Variants in CADPS2 observed in about 807,000 individuals in gnomAD.
The protein encoded by CADPS2 is calcium-dependent secretion activator 2.
CADPS2 carries 93 observed loss-of-function variants against 172.5 expected under a neutral mutation model. The ratio of observed to expected loss-of-function variants is 0.54; its 90% CI spans 0.46 to 0.64. The LOEUF is 0.64. Among genes scored for constraint, CADPS2 ranks in the 30% least tolerant of loss-of-function variants. The pLI, the probability that CADPS2 is intolerant of heterozygous loss-of-function variation, is 0.00. For synonymous variants in CADPS2, 546 were observed against 555.2 expected (o/e 0.98, Z 0.23); for missense variants, 1,420 against 1,565.9 (o/e 0.91, Z 1.57).
intron 1 of CADPS2, among the ~76,000 whole-genome samples, chr7:122,740,003 T>C (rs1032807850): frequency 2.0e-5 from 3 of 152,108 alleles, no homozygotes; most frequent in Non-Finnish European, 4.4e-5. Context: ...CCTCATGTCA[T>C]CAGGGAAATG....
intron 25 of CADPS2, among the ~76,000 whole-genome samples, chr7:122,362,333 T>C (rs542331559): frequency 6.6e-6 from 1 of 152,130 alleles, no homozygotes; most frequent in Non-Finnish European, 1.5e-5. Context: ...ACTCAGAATG[T>C]ATATCCCAAT....
chr7:122,814,604 T>C (rs1180775812), intron 1 of CADPS2, among the ~76,000 whole-genome samples: 1 of 151,832 alleles, frequency 6.6e-6, no homozygotes, highest in Admixed American at 6.5e-5. Flanking sequence ...TACTCATTCA[T>C]TTGTGTACAA....
At position 122,690,432 on chromosome 7, in the gene CADPS2, C is replaced by T. The variant is rs557526521; in HGVS notation, c.454-26863G>A. ...CCTACGAACGGCTAATTGTGGAGGT[C>T]ACACATTAAATACCCAAGGAGTAAC... On this transcript the variant is annotated intron_variant, in intron 2 of 29. Coordinates refer to ENST00000449022, the MANE Select transcript of CADPS2 (RefSeq NM_017954.11). Among the ~76,000 whole-genome samples, 5 of 152,272 alleles carry T rather than the reference C, an allele frequency of 3.3e-5. No homozygotes were observed. The East Asian group carries it at 9.7e-4, about 30-fold the overall frequency.
chr7:122,860,816 A>G (rs932838776), intron 1 of CADPS2, among the ~76,000 whole-genome samples: 2 of 152,124 alleles, frequency 1.3e-5, no homozygotes, highest in Admixed American at 6.6e-5. Flanking sequence ...TTCCATATGC[A>G]TGAGATCATG....
chr7:122,878,649 A>G (rs1821991951), intron 1 of CADPS2, among the ~76,000 whole-genome samples: 1 of 139,296 alleles, frequency 7.2e-6, no homozygotes, highest in African/African-American at 2.6e-5. Context: ...CAAATAAATA[A>G]ATAAATAAAT....
At chr7:122,864,024 C>T (rs190116454) in intron 1 of CADPS2, among the ~76,000 whole-genome samples, 10 of 151,340 alleles carry the variant, frequency 6.6e-5, no homozygotes, top group South Asian at 4.2e-4. Context: ...GGCGAGATTC[C>T]GTCTCAAAAA....
chr7:122,341,797 A>C (rs1047350865), intron 28 of CADPS2, among the ~76,000 whole-genome samples: 2 of 152,156 alleles, frequency 1.3e-5, no homozygotes, highest in Non-Finnish European at 2.9e-5. Flanking sequence ...AAGCACCTAG[A>C]ACATTTCCTG....
intron 1 of CADPS2, among the ~76,000 whole-genome samples, chr7:122,832,043 T>C (rs1196085538): frequency 6.6e-6 from 1 of 152,204 alleles, no homozygotes; most frequent in Non-Finnish European, 1.5e-5. Flanking sequence ...TATATTTCAC[T>C]CTAAAACCAT....
chr7:122,667,748 A>G (rs1426429286), intron 2 of CADPS2, among the ~76,000 whole-genome samples: 2 of 152,184 alleles, frequency 1.3e-5, no homozygotes, highest in East Asian at 1.9e-4. Context: ...CAAGGGACCC[A>G]TGTTTTGAAT....
intron 2 of CADPS2, among the ~76,000 whole-genome samples, chr7:122,709,286 G>A (rs1191162043): frequency 6.6e-6 from 1 of 152,066 alleles, no homozygotes; most frequent in Non-Finnish European, 1.5e-5. Flanking sequence ...CATTTATGCA[G>A]CCAAAAGACA....
chr7:122,808,983 TATTCTTAACAGGAGG>T (rs1799405448), intron 1 of CADPS2, among the ~76,000 whole-genome samples: 1 of 152,212 alleles, frequency 6.6e-6, no homozygotes, highest in Admixed American at 6.5e-5. Context: ...ATGTTCCTTA[TATTCTTAACAGGAGG>T]GGACACTTAC....
At chr7:122,363,641 G>C (rs1274506227) in intron 25 of CADPS2, among the ~76,000 whole-genome samples, 2 of 151,918 alleles carry the variant, frequency 1.3e-5, no homozygotes, top group African/African-American at 4.8e-5. Flanking sequence ...TCTCAGTAAA[G>C]TGGGGAAAAG....
intron 8 of CADPS2, among the ~76,000 whole-genome samples, chr7:122,552,793 T>A (rs1407362950): frequency 9.2e-5 from 12 of 130,346 alleles, no homozygotes; most frequent in African/African-American, 1.1e-4. Flanking sequence ...TTTTTTTTTT[T>A]ATTATTGTGC....
At chr7:122,333,536 C>T (rs920694680) in intron 28 of CADPS2, among the ~76,000 whole-genome samples, 2 of 152,190 alleles carry the variant, frequency 1.3e-5, no homozygotes, top group African/African-American at 4.8e-5. Flanking sequence ...TCTGGGCATG[C>T]CCATTCCTCT....
chr7:122,339,708 G>C (rs1007521788), intron 28 of CADPS2, among the ~76,000 whole-genome samples: 1 of 152,116 alleles, frequency 6.6e-6, no homozygotes, highest in Non-Finnish European at 1.5e-5. Flanking sequence ...CCAACGTGGG[G>C]AAACCCTGTT....
rs367839214 is a variant in CADPS2 at position 122,356,827 on chromosome 7, G to GT, written c.3504+3960dup. ...TGAAACACAGAGTTTCCAGTTTTGT[G>GT]TTTTTTGTGAACATCTCCTTTCTGT... On this transcript the variant is annotated intron_variant, in intron 27 of 29. Coordinates refer to ENST00000449022, the MANE Select transcript of CADPS2 (RefSeq NM_017954.11). Among the ~76,000 whole-genome samples, 495 of 152,182 alleles carry GT rather than the reference G, an allele frequency of 3.3e-3. 1 individual carries two copies. The highest frequency in any genetic ancestry group is 0.011 in the African/African-American group (469 of 41,526).
intron 1 of CADPS2, among the ~76,000 whole-genome samples, chr7:122,804,616 T>C (rs1211355731): frequency 6.6e-6 from 1 of 152,212 alleles, no homozygotes; most frequent in Non-Finnish European, 1.5e-5. Context: ...AAGCCTTTCT[T>C]AAACTGCGGA....
intron 7 of CADPS2, among the ~76,000 whole-genome samples, chr7:122,575,866 A>G (rs185519789): frequency 6.6e-6 from 1 of 152,304 alleles, no homozygotes; most frequent in East Asian, 1.9e-4. Context: ...AGACTTACAG[A>G]AAAGTTGCAA....
At chr7:122,391,706 A>G (rs2044384117) in intron 22 of CADPS2, among the ~76,000 whole-genome samples, 1 of 152,148 alleles carries the variant, frequency 6.6e-6, no homozygotes, top group Non-Finnish European at 1.5e-5. Context: ...TTGGAGAAAT[A>G]TTGCCAAATT....
Sources: allele counts gnomAD v4.1 joint callset (sites outside exome capture counted in the v4.1 genomes callset), GRCh38; gene constraint gnomAD v4.1.1; transcripts MANE v1.5; gene names NCBI Gene and HGNC (gene_info 2026-07-23, HGNC 2026-07-21).